SYNPO2: variants seen among roughly 807,000 people sequenced by gnomAD.
SYNPO2 encodes synaptopodin-2.
In SYNPO2, 56 loss-of-function variants were observed where a neutral mutation model predicts 85.0. The ratio of observed to expected loss-of-function variants is 0.66; its 90% confidence interval spans 0.53 to 0.82. The LOEUF (loss-of-function observed/expected upper bound fraction) is 0.82. SYNPO2 is among the 40% of genes least tolerant of loss of function. SYNPO2 has a pLI of 0.00. For synonymous variants in SYNPO2, 602 were observed against 591.1 expected (o/e 1.02, Z -0.27); for missense variants, 1,575 against 1,534.2 (o/e 1.03, Z -0.44).
At chr4:119,018,875 GATC>G (rs1270680589) in intron 1 of SYNPO2, among the ~76,000 whole-genome samples, 1 of 152,136 alleles carries the variant, frequency 6.6e-6, no homozygotes, top group Non-Finnish European at 1.5e-5. Flanking sequence ...ACACTGGTTT[GATC>G]ATTAGCTTGT....
intron 1 of SYNPO2, among the ~76,000 whole-genome samples, chr4:118,912,095 T>G (rs1390557136): frequency 3.3e-5 from 5 of 152,210 alleles, no homozygotes; most frequent in African/African-American, 1.2e-4. Flanking sequence ...CACTGATAAA[T>G]AAACCACTAG....
At chr4:118,862,277 A>G (rs1344363186) in intron 1 of SYNPO2, among the ~76,000 whole-genome samples, 1 of 152,214 alleles carries the variant, frequency 6.6e-6, no homozygotes, top group African/African-American at 2.4e-5. Flanking sequence ...CATCTGAAAC[A>G]AGGATAATTT....
rs542062414 is a variant in SYNPO2, at chr4:119,058,284, T to C, written c.*350T>C. The C allele has an allele frequency of 5.9e-6, 1 of 170,788 alleles. No individual in the cohort carries two copies. Among genetic ancestry groups the C allele is most frequent in the East Asian group, 1.6e-4 (1 of 6,132 alleles). The allele number at this position is 170,788 out of a possible 1,614,324, so 10.6% of individuals were successfully genotyped here. On this transcript the variant is annotated 3_prime_UTR_variant, in exon 5 of 5. Transcript: ENST00000307142. The stretch of plus-strand genomic sequence containing the variant: ...TGCAACAAACTCTACTCAATTAAAG[T>C]AAAACTAAGTATTTCTTCATTGTAC...
intron 1 of SYNPO2, among the ~76,000 whole-genome samples, chr4:118,944,648 T>C (rs1734435449): frequency 1.3e-5 from 2 of 152,184 alleles, no homozygotes; most frequent in Admixed American, 1.3e-4. Context: ...CACCCAATAA[T>C]AATATAACTT....
intron 1 of SYNPO2, among the ~76,000 whole-genome samples, chr4:118,995,426 T>C (rs1736551517): frequency 6.6e-6 from 1 of 152,206 alleles, no homozygotes; most frequent in Non-Finnish European, 1.5e-5. Context: ...ATATACATTA[T>C]GTCTGTTATT....
At chr4:118,895,532 C>G (rs1474802158) in intron 1 of SYNPO2, among the ~76,000 whole-genome samples, 1 of 152,142 alleles carries the variant, frequency 6.6e-6, no homozygotes, top group South Asian at 2.1e-4. Flanking sequence ...AGTGCACAGT[C>G]CCCTAACACA....
intron 3 of SYNPO2, among the ~76,000 whole-genome samples, chr4:119,028,648 G>C (rs1025956074): frequency 6.6e-6 from 1 of 151,992 alleles, no homozygotes; most frequent in East Asian, 1.9e-4. Context: ...TAGAAAATTC[G>C]ATCACCAGTA....
intron 1 of SYNPO2, among the ~76,000 whole-genome samples, chr4:118,861,855 A>AT (rs995752142): frequency 9.3e-5 from 14 of 150,894 alleles, no homozygotes; most frequent in African/African-American, 2.2e-4. Context: ...AAATTTTAGG[A>AT]TTTTTTTTTC....
intron 1 of SYNPO2, among the ~76,000 whole-genome samples, chr4:118,854,935 G>C (rs1392077358): frequency 1.3e-5 from 2 of 151,982 alleles, no homozygotes; most frequent in African/African-American, 2.4e-5. Context: ...TAAAATGCTT[G>C]AGCCCTTAAC....
intron 1 of SYNPO2, among the ~76,000 whole-genome samples, chr4:118,916,421 C>G (rs191365517): frequency 2.0e-5 from 3 of 152,080 alleles, no homozygotes; most frequent in East Asian, 3.9e-4. Context: ...GATCCACCCC[C>G]CTCAGCCTCC....
intron 1 of SYNPO2, among the ~76,000 whole-genome samples, chr4:118,989,648 T>C (rs146918806): frequency 6.6e-6 from 1 of 152,256 alleles, no homozygotes; most frequent in Non-Finnish European, 1.5e-5. Flanking sequence ...CATATAGTCA[T>C]GCTTCCATGG....
In SYNPO2 at chr4:118,906,245, G is replaced by A. The variant is rs1732934387; in HGVS notation, c.105+17104G>A. 4.6e-5 allele frequency among the ~76,000 whole-genome samples: 7 copies of A among 152,244 alleles called. No homozygotes were observed. In the South Asian group the frequency reaches 1.5e-3, roughly 32 times the overall value. ...AAAAAATAAGCAACTTATATAAAGA[G>A]TAATTAGAAGAGTGATATATATATA... On this transcript the variant is annotated intron_variant, in intron 1 of 4. Coordinates refer to ENST00000307142, the MANE Select transcript of SYNPO2 (RefSeq NM_133477.3).
At chr4:118,888,461 C>G (rs1732248341), upstream of SYNPO2, among the ~76,000 whole-genome samples, 1 of 152,028 alleles carries the variant, frequency 6.6e-6, no homozygotes, top group East Asian at 1.9e-4. Context: ...TTGTCTATTC[C>G]ATTCATAAAT....
intron 1 of SYNPO2, among the ~76,000 whole-genome samples, chr4:118,963,309 G>A (rs1448327937): frequency 6.6e-6 from 1 of 152,122 alleles, no homozygotes; most frequent in Non-Finnish European, 1.5e-5. Flanking sequence ...TAATTTCAAA[G>A]GTGGGTTAAT....
At position 118,964,297 on chromosome 4, in the gene SYNPO2, A is replaced by AACAC. The variant is rs10523074; in HGVS notation, c.106-59092_106-59089dup. On this transcript the variant is annotated intron_variant, in intron 1 of 4. Coordinates refer to ENST00000307142, the MANE Select transcript of SYNPO2 (RefSeq NM_133477.3). Reference sequence around the variant, plus strand: ...AACCCTGTCTCTACAAAACACACACAACACACACACACACACACACACACA... The same window carrying AACAC: ...AACCCTGTCTCTACAAAACACACACAACACACACACACACACACACACACACACA... Among the ~76,000 whole-genome samples the AACAC allele has an allele frequency of 9.2e-3, 1,295 of 140,670 alleles. 15 individuals carry two copies. Among genetic ancestry groups the AACAC allele is most frequent in the African/African-American group, 0.024 (876 of 37,104 alleles). 92.3% of individuals were successfully genotyped at this position (140,670 alleles called of 152,430 possible).
Position 119,057,390 on chromosome 4 carries a change from A to G in SYNPO2, c.3253-11A>G. 6.4e-7 allele frequency: 1 copy of G among 1,552,348 alleles called. No individual in the cohort carries two copies. The highest frequency in any genetic ancestry group is 1.2e-5 in the South Asian group (1 of 80,190). On this transcript the variant is annotated splice_polypyrimidine_tract_variant and intron_variant, in intron 4 of 4. Transcript: ENST00000307142. ...ATGAATGAGATATATTAATATTTTC[A>G]TTGTTTTTAGGAGAGTGGGCGCTCC...
At chr4:119,025,510 G>A (rs2149186674) in intron 2 of SYNPO2, among the ~76,000 whole-genome samples, 1 of 152,246 alleles carries the variant, frequency 6.6e-6, no homozygotes, top group East Asian at 1.9e-4. Context: ...GCCAAATGCA[G>A]TTGAAAGCAA....
chr4:118,999,960 T>C (rs970233784), intron 1 of SYNPO2, among the ~76,000 whole-genome samples: 1 of 152,206 alleles, frequency 6.6e-6, no homozygotes, highest in African/African-American at 2.4e-5. Context: ...AAAGAAAAGT[T>C]GAAGGAGCTT....
At position 118,930,276 on chromosome 4, in the gene SYNPO2, A is replaced by G. The variant is rs567689379; in HGVS notation, c.105+41135A>G. Among the ~76,000 whole-genome samples the G allele has an allele frequency of 3.3e-5, 5 of 152,336 alleles. No individual in the cohort carries two copies. The South Asian group carries it at 6.2e-4, about 19-fold the overall frequency. ...GAAATAAAGTAACTTGTAAAAGATC[A>G]CACAGTTAGAATTTTAACATAAATT... On this transcript the variant is annotated intron_variant, in intron 1 of 4. Transcript: ENST00000307142.
Sources: gnomAD v4.1 joint callset for allele counts (sites outside exome capture counted in the v4.1 genomes callset) on GRCh38, gnomAD v4.1.1 for gene constraint, MANE v1.5 for transcripts, NCBI Gene and HGNC (gene_info 2026-07-23, HGNC 2026-07-21) for gene names.